FBXO34: variants seen among roughly 807,000 people sequenced by gnomAD.
FBXO34 encodes the protein F-box only protein 34.
A neutral mutation model predicts 24.5 loss-of-function variants in FBXO34; 12 were observed. The observed-to-expected ratio is 0.49, with a 90% CI of 0.31 to 0.79. The LOEUF is 0.79. FBXO34 is among the 30% of genes least tolerant of loss of function. FBXO34 has a pLI of 0.04. For missense variants in FBXO34, 823 were observed against 857.7 expected, an observed-to-expected ratio of 0.96 and a Z score of 0.51; for synonymous variants, 320 against 311.9, an observed-to-expected ratio of 1.03 and a Z score of -0.27.
At chr14:55,378,282 T>C in the FBXO34 span, among the ~76,000 whole-genome samples, 1 of 152,206 alleles carries the variant, frequency 6.6e-6, no homozygotes, top group African/African-American at 2.4e-5. Context: ...CACATACCCT[T>C]TGACCAAGCA....
intron 1 of FBXO34, among the ~76,000 whole-genome samples, chr14:55,327,192 AG>A (rs1285078890): frequency 1.3e-5 from 2 of 152,200 alleles, no homozygotes; most frequent in Non-Finnish European, 2.9e-5. Context: ...GAAGGAGCAG[AG>A]GGAACCACAA....
At chr14:55,384,017 A>G in the FBXO34 span, among the ~76,000 whole-genome samples, 1 of 152,088 alleles carries the variant, frequency 6.6e-6, no homozygotes, top group African/African-American at 2.4e-5. Flanking sequence ...GCCACAACAT[A>G]CGTATAAGAT....
At chr14:55,290,771 T>C (rs1428173866) in intron 1 of FBXO34, among the ~76,000 whole-genome samples, 1 of 152,240 alleles carries the variant, frequency 6.6e-6, no homozygotes, top group African/African-American at 2.4e-5. Context: ...GTCTTTATTA[T>C]CTTTTTTTCC....
chr14:55,417,857 G>C, the FBXO34 span, among the ~76,000 whole-genome samples: 1 of 152,182 alleles, frequency 6.6e-6, no homozygotes, highest in African/African-American at 2.4e-5. Flanking sequence ...GTGCACTAGA[G>C]AAAGGACTGG....
intron 1 of FBXO34, among the ~76,000 whole-genome samples, chr14:55,334,636 G>A (rs1381400705): frequency 6.6e-6 from 1 of 152,152 alleles, no homozygotes; most frequent in Non-Finnish European, 1.5e-5. Context: ...TGCTCACAAA[G>A]CAGAGAGGAA....
In FBXO34 at chr14:55,353,049, G is replaced by A. The variant is rs1039078217; in HGVS notation, c.*523G>A. On this transcript the variant is annotated 3_prime_UTR_variant, in exon 2 of 2. Coordinates refer to ENST00000313833, the MANE Select transcript of FBXO34 (RefSeq NM_017943.4). ...TTGATCCTGTGAGATTGATGTTTGTGGCTGGAGGTGGATTTCATGCCCTGT... is the reference window on the plus strand; with the variant it reads ...TTGATCCTGTGAGATTGATGTTTGTAGCTGGAGGTGGATTTCATGCCCTGT... The A allele has an allele frequency of 5.9e-6, 1 of 170,498 alleles. No homozygotes were observed. The highest frequency in any genetic ancestry group is 2.4e-5 in the African/African-American group (1 of 41,450). 10.6% of individuals were successfully genotyped at this position (170,498 alleles called of 1,614,324 possible). A position where few individuals can be genotyped will look rare whatever the true frequency, so the allele number is the denominator to read the frequency against.
chr14:55,423,157 G>A, the FBXO34 span, among the ~76,000 whole-genome samples: 1 of 152,094 alleles, frequency 6.6e-6, no homozygotes, highest in Non-Finnish European at 1.5e-5. Flanking sequence ...AAAAATGGTC[G>A]ATTTCTGTCT....
chr14:55,339,386 C>CCG (rs1555339086), intron 1 of FBXO34: 7 of 146,174 alleles, frequency 4.8e-5, no homozygotes, highest in Non-Finnish European at 7.5e-5. Context: ...CTGCCCCCCC[C>CCG]CCCAATCCTG....
intron 1 of FBXO34, among the ~76,000 whole-genome samples, chr14:55,327,500 A>G (rs1019095522): frequency 2.0e-5 from 3 of 152,126 alleles, no homozygotes; most frequent in Admixed American, 2.0e-4. Context: ...TTCTGAATAT[A>G]TTTTGAAGAT....
chr14:55,338,048 C>CTTTTTGTTTTTTTTTTTTTTT (rs1883846675), intron 1 of FBXO34, among the ~76,000 whole-genome samples: 2 of 88,258 alleles, frequency 2.3e-5, no homozygotes, highest in South Asian at 4.2e-4. Flanking sequence ...GTATGTACTT[C>CTTTTTGTTTTTTTTTTTTTTT]TTTTTTTTTT....
At chr14:55,342,791 T>C (rs1028142133) in intron 1 of FBXO34, among the ~76,000 whole-genome samples, 4 of 152,246 alleles carry the variant, frequency 2.6e-5, no homozygotes, top group African/African-American at 9.6e-5. Flanking sequence ...GTGGCACTTA[T>C]TAAAAACTGA....
At chr14:55,396,762 A>G in the FBXO34 span, among the ~76,000 whole-genome samples, 1 of 152,196 alleles carries the variant, frequency 6.6e-6, no homozygotes, top group Non-Finnish European at 1.5e-5. Context: ...GTTTTATACC[A>G]GAAGGTTCTA....
At position 55,351,269 on chromosome 14, in the gene FBXO34, G is replaced by A; in HGVS notation, c.879G>A (p.Arg293=). 2.5e-6 allele frequency: 4 copies of A among 1,614,172 alleles called. No homozygotes were observed. Among genetic ancestry groups the A allele is most frequent in the Non-Finnish European group, 3.4e-6 (4 of 1,180,044 alleles). ...AGTTGGAGTCTGAGTGCCTGAAGCGGCAGGGCCAGCGTGAGCCTGGGAGCC... is the reference window on the plus strand; with the variant it reads ...AGTTGGAGTCTGAGTGCCTGAAGCGACAGGGCCAGCGTGAGCCTGGGAGCC... ...VAKLESECLK[R]QGQREPGSLS... The change falls in exon 2 of 2, where the codon CGG becomes CGA. Residue 293 remains arginine (R), a synonymous_variant. Transcript: ENST00000313833.
downstream of FBXO34, among the ~76,000 whole-genome samples, chr14:55,372,937 C>T (rs892561351): frequency 6.6e-6 from 1 of 152,128 alleles, no homozygotes; most frequent in South Asian, 2.1e-4. Context: ...TGGAAGACTC[C>T]TCAAGGGGCC....
chr14:55,380,590 G>C, the FBXO34 span: 1 of 1,608,784 alleles, frequency 6.2e-7, no homozygotes, highest in East Asian at 2.2e-5. Context: ...AGAGCTTTTT[G>C]GGAAGATTTA....
At chr14:55,374,970 C>A (rs8014540), downstream of FBXO34, among the ~76,000 whole-genome samples, 45,071 of 152,066 alleles carry the variant, frequency 0.3, 7,061 homozygotes, top group Non-Finnish European at 0.34. Context: ...GCAGACTATA[C>A]TTCTAGTTGA....
chr14:55,395,278 T>C, the FBXO34 span: 4 of 326,630 alleles, frequency 1.2e-5, no homozygotes, highest in East Asian at 8.9e-5. Flanking sequence ...CGAGGCATAG[T>C]GCATCTAGAG....
chr14:55,327,682 T>G (rs1432881876), intron 1 of FBXO34, among the ~76,000 whole-genome samples: 2 of 152,052 alleles, frequency 1.3e-5, no homozygotes, highest in Non-Finnish European at 2.9e-5. Context: ...CATGTTGAGT[T>G]TAAGGTGCTT....
At chr14:55,311,280 A>G (rs1882730252) in intron 1 of FBXO34, among the ~76,000 whole-genome samples, 2 of 152,218 alleles carry the variant, frequency 1.3e-5, no homozygotes, top group Admixed American at 1.3e-4. Flanking sequence ...TGAGAACAGC[A>G]TGGGAGAAAC....
Sources: allele counts gnomAD v4.1 joint callset (sites outside exome capture counted in the v4.1 genomes callset), GRCh38; gene constraint gnomAD v4.1.1; transcripts MANE v1.5; gene names NCBI Gene and HGNC (gene_info 2026-07-23, HGNC 2026-07-21).